Variants in CDH12 observed in about 807,000 individuals in gnomAD.
CDH12 encodes the protein cadherin-12.
A neutral mutation model predicts 74.1 loss-of-function variants in CDH12; 41 were observed. The ratio of observed to expected loss-of-function variants is 0.55; its 90% CI spans 0.43 to 0.72. The LOEUF is 0.72. CDH12 is among the 30% of genes least tolerant of loss of function. CDH12 has a pLI of 0.00. For missense variants in CDH12, 945 were observed against 977.2 expected (o/e 0.97, Z 0.44); for synonymous variants, 399 against 355.0 (o/e 1.12, Z -1.39).
chr5:22,257,080 G>T (rs994733763), intron 3 of CDH12, among the ~76,000 whole-genome samples: 1 of 152,132 alleles, frequency 6.6e-6, no homozygotes, highest in Admixed American at 6.6e-5. Flanking sequence ...GGACAGAAAT[G>T]CAAATGCCAC....
intron 3 of CDH12, among the ~76,000 whole-genome samples, chr5:22,310,046 T>G (rs1317262633): frequency 2.0e-5 from 3 of 151,614 alleles, no homozygotes; most frequent in African/African-American, 7.3e-5. Context: ...AAATACCTAA[T>G]GTAGATGACA....
chr5:22,375,632 G>T (rs2126361011), intron 3 of CDH12, among the ~76,000 whole-genome samples: 1 of 152,184 alleles, frequency 6.6e-6, no homozygotes, highest in Middle Eastern at 3.4e-3. Context: ...AGTGGGCAAA[G>T]AGCATAAATA....
At chr5:21,822,438 AT>A (rs1748424953) in intron 8 of CDH12, among the ~76,000 whole-genome samples, 1 of 151,976 alleles carries the variant, frequency 6.6e-6, no homozygotes, top group African/African-American at 2.4e-5. Context: ...AAGAAAAAAA[AT>A]GTTTTGGTGG....
intron 4 of CDH12, among the ~76,000 whole-genome samples, chr5:22,163,170 C>T (rs1404307613): frequency 2.0e-5 from 3 of 152,102 alleles, no homozygotes; most frequent in Admixed American, 1.3e-4. Flanking sequence ...CGTGAGCCAC[C>T]GCTCCCGGCC....
intron 1 of CDH12, among the ~76,000 whole-genome samples, chr5:22,744,168 G>A (rs534782481): frequency 8.5e-5 from 13 of 152,164 alleles, no homozygotes; most frequent in East Asian, 3.9e-4. Flanking sequence ...GGTGGCTCAC[G>A]CCTGTAATCC....
At chr5:22,679,405 T>A (rs1741372567) in intron 1 of CDH12, among the ~76,000 whole-genome samples, 1 of 152,142 alleles carries the variant, frequency 6.6e-6, no homozygotes, top group Admixed American at 6.6e-5. Context: ...GTTCTTTCAC[T>A]ACATAGTTAT....
intron 1 of CDH12, among the ~76,000 whole-genome samples, chr5:22,695,777 A>G (rs1292447843): frequency 6.6e-6 from 1 of 152,150 alleles, no homozygotes; most frequent in Non-Finnish European, 1.5e-5. Flanking sequence ...AGAATTTAGT[A>G]TACTATATTC....
chr5:22,153,917 C>T lies in CDH12; in HGVS notation c.-187+58581G>A, dbSNP rs796373882. Among the ~76,000 whole-genome samples, 127 of 137,124 alleles carry T rather than the reference C, an allele frequency of 9.3e-4. No individual in the cohort carries two copies. The South Asian group carries it at 0.016, about 17-fold the overall frequency. 90.0% of individuals were successfully genotyped at this position (137,124 alleles called of 152,430 possible). A position where few individuals can be genotyped will look rare whatever the true frequency, so the allele number is the denominator to read the frequency against. On this transcript the variant is annotated intron_variant, in intron 4 of 14. Transcript: ENST00000382254. ...ATATATATATATACACACACATACA[C>T]ACACACACACAAACATATATATGTA...
intron 6 of CDH12, among the ~76,000 whole-genome samples, chr5:21,879,938 G>T (rs373083148): frequency 1.1e-4 from 16 of 152,184 alleles, no homozygotes; most frequent in African/African-American, 3.9e-4. Flanking sequence ...TTAGAGAATG[G>T]CAGTTTTGCC....
chr5:22,833,255 C>T (rs1399390704), intron 1 of CDH12, among the ~76,000 whole-genome samples: 1 of 152,116 alleles, frequency 6.6e-6, no homozygotes, highest in East Asian at 1.9e-4. Context: ...TGCTGTGCTG[C>T]TAGCTCACTG....
intron 1 of CDH12, among the ~76,000 whole-genome samples, chr5:22,751,320 GAT>G (rs573627997): frequency 5.5e-4 from 62 of 112,106 alleles, no homozygotes; most frequent in African/African-American, 1.3e-3. Flanking sequence ...ATTAAACTGT[GAT>G]ATATATATAT....
At chr5:22,467,582 G>A (rs1008999957) in intron 2 of CDH12, among the ~76,000 whole-genome samples, 2 of 152,146 alleles carry the variant, frequency 1.3e-5, no homozygotes, top group African/African-American at 4.8e-5. Context: ...TGAGGGGAGG[G>A]ACTTGGTCTT....
intron 1 of CDH12, among the ~76,000 whole-genome samples, chr5:22,800,954 T>C (rs1215397155): frequency 3.3e-5 from 5 of 152,156 alleles, no homozygotes; most frequent in Non-Finnish European, 7.3e-5. Context: ...CACTGAAGGA[T>C]GTCCTGGTTG....
rs1393985283 is a variant in CDH12, at chr5:22,659,334, A to G, written c.-522-153970T>C. ...GAAGCTTGGATTACTATATGCAGTT[A>G]GGAGATATAATACCTGTCTCAGTGT... is the stretch of plus-strand genomic sequence containing the variant. On this transcript the variant is annotated intron_variant, in intron 1 of 14. Transcript: ENST00000382254. Among the ~76,000 whole-genome samples, 4 of 152,238 alleles carry G rather than the reference A, an allele frequency of 2.6e-5. No homozygotes were observed. The East Asian group carries it at 7.7e-4, about 29-fold the overall frequency.
At chr5:22,101,206 C>T (rs969674782) in intron 4 of CDH12, among the ~76,000 whole-genome samples, 2 of 151,274 alleles carry the variant, frequency 1.3e-5, no homozygotes, top group Non-Finnish European at 1.5e-5. Context: ...TTTTAGACAC[C>T]GAGACTTTTA....
chr5:22,766,464 G>C (rs1324221722), intron 1 of CDH12, among the ~76,000 whole-genome samples: 1 of 152,032 alleles, frequency 6.6e-6, no homozygotes, highest in African/African-American at 2.4e-5. Flanking sequence ...AGATTATATT[G>C]AATGACAATG....
intron 2 of CDH12, among the ~76,000 whole-genome samples, chr5:22,478,228 C>T (rs2126617901): frequency 6.6e-6 from 1 of 151,938 alleles, no homozygotes; most frequent in South Asian, 2.1e-4. Context: ...ACCATCCTGG[C>T]TAACACCGTG....
chr5:22,835,209 C>T (rs141328250), intron 1 of CDH12, among the ~76,000 whole-genome samples: 1 of 152,130 alleles, frequency 6.6e-6, no homozygotes, highest in African/African-American at 2.4e-5. Flanking sequence ...TGTCTACACT[C>T]TGTTCACATA....
chr5:22,449,305 G>A (rs191084136), intron 2 of CDH12, among the ~76,000 whole-genome samples: 1 of 152,014 alleles, frequency 6.6e-6, no homozygotes, highest in East Asian at 1.9e-4. Context: ...TGCAATGTGA[G>A]TGTCTCTTTA....
Sources: gnomAD v4.1 joint callset for allele counts (sites outside exome capture counted in the v4.1 genomes callset) on GRCh38, gnomAD v4.1.1 for gene constraint, MANE v1.5 for transcripts, NCBI Gene and HGNC (gene_info 2026-07-23, HGNC 2026-07-21) for gene names.